The following MSRA variants were observed in gnomAD, a reference collection of about 807,000 sequenced individuals.
MSRA encodes the protein mitochondrial peptide methionine sulfoxide reductase.
MSRA carries 54 observed loss-of-function variants against 31.3 expected under a neutral mutation model. The observed-to-expected ratio is 1.73, with a 90% CI of 1.39 to 2.17. The LOEUF is 2.17. MSRA is among the 30% of genes most tolerant of loss of function. MSRA has a pLI of 0.00. For synonymous variants in MSRA, 169 were observed against 116.5 expected (o/e 1.45, Z -2.90); for missense variants, 507 against 300.9 (o/e 1.69, Z -5.07).
chr8:10,259,063 T>A (rs1377163087), intron 3 of MSRA, among the ~76,000 whole-genome samples: 1 of 150,954 alleles, frequency 6.6e-6, no homozygotes, highest in African/African-American at 2.4e-5. Flanking sequence ...GCTGAGATCT[T>A]GCCACTGCAC....
In MSRA at chr8:10,263,995, A is replaced by AT. The variant is rs200550175; in HGVS notation, c.331+18780dup. Among the ~76,000 whole-genome samples the AT allele has an allele frequency of 3.3e-3, 505 of 152,150 alleles. 1 individual carries two copies. The highest frequency in any genetic ancestry group is 0.011 in the African/African-American group (476 of 41,510). On this transcript the variant is annotated intron_variant, in intron 3 of 5. Transcript: ENST00000317173. ...ACCACAGTTTTCTTTACTTAAAAAT[A>AT]TTTTTTTTCACAGGCTTCAGATCTG...
intron 1 of MSRA, among the ~76,000 whole-genome samples, chr8:10,198,314 A>AT (rs11367437): frequency 3.3e-4 from 49 of 149,186 alleles, no homozygotes; most frequent in East Asian, 1.8e-3. Context: ...ATACTTTATT[A>AT]TTTTTTTTTT....
At position 10,318,216 on chromosome 8, in the gene MSRA, A is replaced by G. The variant is rs73534596; in HGVS notation, c.437-1667A>G. ...ATCGCAGGATGGCCATTTACCTGCT[A>G]TGTGACCTCAGGTGGGTCACTGAAT... On this transcript the variant is annotated intron_variant, in intron 4 of 5. Transcript: ENST00000317173. Among the ~76,000 whole-genome samples, 1,437 of 152,330 alleles carry G rather than the reference A, an allele frequency of 9.4e-3. 21 individuals carry two copies. Among genetic ancestry groups the G allele is most frequent in the African/African-American group, 0.032 (1,322 of 41,576 alleles).
At chr8:10,119,162 C>G (rs932328217) in intron 1 of MSRA, among the ~76,000 whole-genome samples, 3 of 152,216 alleles carry the variant, frequency 2.0e-5, no homozygotes, top group Non-Finnish European at 4.4e-5. Context: ...CAAGAACTCT[C>G]TAAACATGTG....
chr8:10,397,049 C>G (rs560493004), intron 5 of MSRA, among the ~76,000 whole-genome samples: 1 of 152,342 alleles, frequency 6.6e-6, no homozygotes, highest in Non-Finnish European at 1.5e-5. Flanking sequence ...CAGCTTAGAG[C>G]AGAGACTGTG....
At chr8:10,411,517 T>C (rs1243125954) in intron 5 of MSRA, 1 of 151,824 alleles carries the variant, frequency 6.6e-6, no homozygotes, top group African/African-American at 2.4e-5. Flanking sequence ...AAAAACCCAA[T>C]CATTGAATTC....
intron 1 of MSRA, among the ~76,000 whole-genome samples, chr8:10,199,652 G>T (rs1808328399): frequency 6.6e-6 from 1 of 152,114 alleles, no homozygotes; most frequent in African/African-American, 2.4e-5. Flanking sequence ...TCACACTAGT[G>T]GGCTTGTGCA....
chr8:10,164,278 G>A (rs1223042863), intron 1 of MSRA, among the ~76,000 whole-genome samples: 4 of 152,158 alleles, frequency 2.6e-5, no homozygotes, highest in African/African-American at 4.8e-5. Context: ...TGATTAAAAT[G>A]TTCCTGTTAA....
chr8:10,360,564 C>G (rs1191311194), intron 5 of MSRA, among the ~76,000 whole-genome samples: 2 of 152,126 alleles, frequency 1.3e-5, no homozygotes, highest in Admixed American at 6.5e-5. Flanking sequence ...AGACAGGGCC[C>G]CTTGCCGAAC....
intron 1 of MSRA, among the ~76,000 whole-genome samples, chr8:10,055,268 A>G (rs1802283647): frequency 6.6e-6 from 1 of 152,224 alleles, no homozygotes; most frequent in African/African-American, 2.4e-5. Context: ...GATGCTCCAC[A>G]AACTTGGACA....
intron 1 of MSRA, among the ~76,000 whole-genome samples, chr8:10,146,142 G>C (rs1305062967): frequency 6.6e-6 from 1 of 152,162 alleles, no homozygotes; most frequent in African/African-American, 2.4e-5. Flanking sequence ...AACAAAACAA[G>C]CATGACCACA....
chr8:10,111,664 A>T (rs1800294063), intron 1 of MSRA, among the ~76,000 whole-genome samples: 2 of 152,212 alleles, frequency 1.3e-5, no homozygotes, highest in East Asian at 3.8e-4. Flanking sequence ...AGGAATGGGA[A>T]TGTTCTTGTT....
chr8:10,218,587 T>C (rs1585196462), intron 2 of MSRA, among the ~76,000 whole-genome samples: 2 of 152,378 alleles, frequency 1.3e-5, no homozygotes, highest in Admixed American at 1.3e-4. Flanking sequence ...TAGAGACTTC[T>C]CTTTATCAAC....
At chr8:10,293,898 T>G (rs147120204) in intron 3 of MSRA, among the ~76,000 whole-genome samples, 2 of 152,154 alleles carry the variant, frequency 1.3e-5, no homozygotes, top group Non-Finnish European at 2.9e-5. Flanking sequence ...TCACAACCTT[T>G]CCTTAACACT....
intron 5 of MSRA, among the ~76,000 whole-genome samples, chr8:10,423,773 G>A (rs952708529): frequency 1.1e-4 from 17 of 152,144 alleles, no homozygotes; most frequent in East Asian, 1.9e-4. Context: ...TGAGTCCGTC[G>A]TCCCCTTCTC....
At chr8:10,394,309 T>C (rs1806958456) in intron 5 of MSRA, among the ~76,000 whole-genome samples, 1 of 152,206 alleles carries the variant, frequency 6.6e-6, no homozygotes, top group African/African-American at 2.4e-5. Context: ...TCAAATACAC[T>C]GTAGCAGTGT....
chr8:10,193,155 AG>A (rs1807663391), intron 1 of MSRA, among the ~76,000 whole-genome samples: 1 of 152,216 alleles, frequency 6.6e-6, no homozygotes, highest in Admixed American at 6.5e-5. Context: ...CTTATAGCTG[AG>A]GTATGCCAAG....
At chr8:10,154,829 T>A (rs922358885) in intron 1 of MSRA, among the ~76,000 whole-genome samples, 2 of 151,836 alleles carry the variant, frequency 1.3e-5, no homozygotes, top group African/African-American at 2.4e-5. Context: ...AGATTTTAAT[T>A]TTTTTTTCTT....
At chr8:10,330,701 C>T (rs1802645429) in intron 5 of MSRA, among the ~76,000 whole-genome samples, 1 of 152,232 alleles carries the variant, frequency 6.6e-6, no homozygotes, top group African/African-American at 2.4e-5. Flanking sequence ...CCATTTTCTA[C>T]ATTAAGTAAG....
Sources: allele counts gnomAD v4.1 joint callset (sites outside exome capture counted in the v4.1 genomes callset), GRCh38; gene constraint gnomAD v4.1.1; transcripts MANE v1.5; gene names NCBI Gene and HGNC (gene_info 2026-07-23, HGNC 2026-07-21).